Variants in GALNT13 observed in about 807,000 individuals in gnomAD.
GALNT13 encodes polypeptide N-acetylgalactosaminyltransferase 13, also known as UDP-GalNAc:polypeptide N-acetylgalactosaminyltransferase 13.
In GALNT13, 28 loss-of-function variants were observed where a neutral mutation model predicts 64.2. The ratio of observed to expected loss-of-function variants is 0.44; its 90% confidence interval spans 0.32 to 0.60. GALNT13 has a LOEUF of 0.60. Among genes scored for constraint, GALNT13 ranks in the 20% least tolerant of loss-of-function variants. GALNT13 has a pLI of 0.05. For synonymous variants in GALNT13, 214 were observed against 224.6 expected (o/e 0.95, Z 0.42); for missense variants, 577 against 669.8 (o/e 0.86, Z 1.53).
chr2:154,126,470 C>G (rs1452670201), intron 3 of GALNT13, among the ~76,000 whole-genome samples: 1 of 151,840 alleles, frequency 6.6e-6, no homozygotes, highest in Non-Finnish European at 1.5e-5. Context: ...CCCGTCTCTA[C>G]TAAAAATACA....
At chr2:153,393,668 ATTAACAT>A in the GALNT13 span, among the ~76,000 whole-genome samples, 5,421 of 151,964 alleles carry the variant, frequency 0.036, 304 homozygotes, top group African/African-American at 0.12. Flanking sequence ...TTCCAGATGA[ATTAACAT>A]TTAAGTCACT....
At chr2:153,723,502 G>A in the GALNT13 span, among the ~76,000 whole-genome samples, 4 of 149,526 alleles carry the variant, frequency 2.7e-5, no homozygotes, top group African/African-American at 7.5e-5. Flanking sequence ...TAGGAAAAGA[G>A]GAAGTCAAAT....
the GALNT13 span, among the ~76,000 whole-genome samples, chr2:153,595,791 G>C: frequency 6.6e-6 from 1 of 152,042 alleles, no homozygotes; most frequent in Non-Finnish European, 1.5e-5. Flanking sequence ...TGAACCACTA[G>C]AATCATTTTC....
chr2:153,799,198 G>GT, the GALNT13 span, among the ~76,000 whole-genome samples: 1 of 151,996 alleles, frequency 6.6e-6, no homozygotes, highest in South Asian at 2.1e-4. Flanking sequence ...TTAGTATTTG[G>GT]TTTTTTTCTA....
the GALNT13 span, among the ~76,000 whole-genome samples, chr2:153,682,833 G>C: frequency 6.6e-6 from 1 of 151,744 alleles, no homozygotes; most frequent in Non-Finnish European, 1.5e-5. Context: ...CATGGCTTAA[G>C]TATTCTAAAG....
intron 2 of GALNT13, among the ~76,000 whole-genome samples, chr2:153,923,872 A>G (rs1056552611): frequency 2.6e-5 from 4 of 151,994 alleles, no homozygotes; most frequent in South Asian, 4.1e-4. Context: ...ACATGAACTC[A>G]TCATTTTTTA....
chr2:153,438,471 T>C, the GALNT13 span, among the ~76,000 whole-genome samples: 4 of 152,152 alleles, frequency 2.6e-5, no homozygotes, highest in East Asian at 1.9e-4. Context: ...ACCAATCAGA[T>C]GTAGATTTGG....
At chr2:153,688,651 A>G in the GALNT13 span, among the ~76,000 whole-genome samples, 1 of 152,006 alleles carries the variant, frequency 6.6e-6, no homozygotes, top group African/African-American at 2.4e-5. Context: ...TTGTCTATCC[A>G]TAGATAAGGT....
chr2:154,284,072 A>C lies in GALNT13; in HGVS notation c.976-17337A>C, dbSNP rs147700107. Among the ~76,000 whole-genome samples, 299 of 152,326 alleles carry C rather than the reference A, an allele frequency of 2.0e-3. 1 individual carries two copies. Among genetic ancestry groups the C allele is most frequent in the African/African-American group, 7.0e-3 (291 of 41,578 alleles). The stretch of plus-strand genomic sequence containing the variant: ...CTGTGTATACATTATAGAGACAATC[A>C]AGTCAATTAACATATCCATCACCTC... On this transcript the variant is annotated intron_variant, in intron 8 of 12. Transcript: ENST00000392825.
At chr2:153,580,251 G>C in the GALNT13 span, among the ~76,000 whole-genome samples, 1 of 151,908 alleles carries the variant, frequency 6.6e-6, no homozygotes, top group Non-Finnish European at 1.5e-5. Context: ...ATCCTCTGCA[G>C]GTTACTTTAT....
the GALNT13 span, among the ~76,000 whole-genome samples, chr2:153,122,335 A>AT: frequency 6.6e-6 from 1 of 152,034 alleles, no homozygotes; most frequent in Non-Finnish European, 1.5e-5. Flanking sequence ...TTTTGTTGCT[A>AT]TTTTTTATCC....
the GALNT13 span, among the ~76,000 whole-genome samples, chr2:153,266,664 T>TG: frequency 6.6e-6 from 1 of 152,098 alleles, no homozygotes; most frequent in African/African-American, 2.4e-5. Context: ...GAGAACATCA[T>TG]GGGGAAAACT....
At chr2:153,286,107 A>G in the GALNT13 span, among the ~76,000 whole-genome samples, 1 of 152,150 alleles carries the variant, frequency 6.6e-6, no homozygotes, top group Admixed American at 6.5e-5. Flanking sequence ...AAACATTAAA[A>G]GTACTAGGAA....
intron 3 of GALNT13, among the ~76,000 whole-genome samples, chr2:154,127,041 T>G (rs1682323788): frequency 6.6e-6 from 1 of 152,212 alleles, no homozygotes; most frequent in African/African-American, 2.4e-5. Flanking sequence ...GCTTAAAAGA[T>G]AATTTTTAAT....
chr2:154,290,229 G>A (rs1450130147), intron 8 of GALNT13, among the ~76,000 whole-genome samples: 1 of 152,164 alleles, frequency 6.6e-6, no homozygotes, highest in Non-Finnish European at 1.5e-5. Flanking sequence ...ATGTAGTCCA[G>A]AATTATCACT....
chr2:153,646,460 T>C, the GALNT13 span, among the ~76,000 whole-genome samples: 4 of 146,686 alleles, frequency 2.7e-5, no homozygotes, highest in Non-Finnish European at 6.1e-5. Flanking sequence ...TTCTTTTATA[T>C]ATATATATAT....
At chr2:153,191,432 G>A in the GALNT13 span, among the ~76,000 whole-genome samples, 1 of 152,060 alleles carries the variant, frequency 6.6e-6, no homozygotes, top group Non-Finnish European at 1.5e-5. Flanking sequence ...TAATCATGTC[G>A]TATTATGTCT....
the GALNT13 span, among the ~76,000 whole-genome samples, chr2:153,068,321 G>A: frequency 1.3e-5 from 2 of 152,166 alleles, no homozygotes; most frequent in African/African-American, 4.8e-5. Flanking sequence ...TCTCTTAAAT[G>A]GTAGGGCTGA....
At chr2:154,072,407 A>G (rs1486706834) in intron 3 of GALNT13, among the ~76,000 whole-genome samples, 1 of 152,118 alleles carries the variant, frequency 6.6e-6, no homozygotes, top group Non-Finnish European at 1.5e-5. Context: ...TTATGATGGA[A>G]CACATTTATG....
Sources: allele counts gnomAD v4.1 joint callset (sites outside exome capture counted in the v4.1 genomes callset), GRCh38; gene constraint gnomAD v4.1.1; transcripts MANE v1.5; gene names NCBI Gene and HGNC (gene_info 2026-07-23, HGNC 2026-07-21).